Variants in CAND2 observed in about 807,000 individuals in gnomAD.
CAND2 encodes the protein cullin-associated NEDD8-dissociated protein 2.
CAND2 carries 62 observed loss-of-function variants against 98.9 expected under a neutral mutation model. The observed-to-expected ratio is 0.63, with a 90% CI of 0.51 to 0.77. The LOEUF (loss-of-function observed/expected upper bound fraction) is 0.77, where lower values mean the gene tolerates loss of function less well. Ranked by LOEUF, CAND2 falls within the 30% of genes least tolerant of loss-of-function variation. CAND2 has a pLI of 0.00. For missense variants in CAND2, 1,501 were observed against 1,655.2 expected, an observed-to-expected ratio of 0.91 and a Z score of 1.62; for synonymous variants, 770 against 731.9, an observed-to-expected ratio of 1.05 and a Z score of -0.84.
intron 4 of CAND2, 61 bp downstream of exon 4, chr3:12,808,394 AAATCACAGAG>A: frequency 6.5e-7 from 1 of 1,533,768 alleles, no homozygotes; most frequent in Non-Finnish European, 8.8e-7. Context: ...GGAGGGACTC[AAATCACAGAG>A]CTAGCACCTA....
rs1326143136 is a variant in CAND2, at chr3:12,816,114, C to T, written c.1441+106C>T. On this transcript the variant is annotated intron_variant, in intron 9 of 14. Coordinates refer to ENST00000456430, the MANE Select transcript of CAND2 (RefSeq NM_001162499.2). ...TTCCTGAGACAGTCTGAGACCCAATCCCAGGCTCAGTCCCTGGTCAAGAGT... is the reference window on the plus strand; with the variant it reads ...TTCCTGAGACAGTCTGAGACCCAATTCCAGGCTCAGTCCCTGGTCAAGAGT... 1.8e-5 allele frequency: 22 copies of T among 1,201,588 alleles called. No homozygotes were observed. The East Asian group carries it at 5.2e-4, about 28-fold the overall frequency. The allele number at this position is 1,201,588 out of a possible 1,614,324, so 74.4% of individuals were successfully genotyped here.
chr3:12,802,503 C>T (rs1441075588), intron 1 of CAND2, among the ~76,000 whole-genome samples: 1 of 152,170 alleles, frequency 6.6e-6, no homozygotes, highest in Non-Finnish European at 1.5e-5. Context: ...GACAGGTAAA[C>T]TAAGGCTTGG....
At chr3:12,797,096 A>G (rs1325381914) in intron 1 of CAND2, among the ~76,000 whole-genome samples, 1 of 137,656 alleles carries the variant, frequency 7.3e-6, no homozygotes, top group South Asian at 2.4e-4. Context: ...ACCCCTCTGC[A>G]CCCTGCCTCG....
chr3:12,797,197 G>A (rs2061732444), intron 1 of CAND2, among the ~76,000 whole-genome samples: 1 of 52,518 alleles, frequency 1.9e-5, no homozygotes, highest in Admixed American at 2.6e-4. Flanking sequence ...CACCTTCAGC[G>A]AGCCCACAGT....
rs549984497 is a variant in CAND2 at position 12,833,616 on chromosome 3, G to C, written c.3484-139G>C. 4.4e-6 allele frequency: 3 copies of C among 686,330 alleles called. No homozygotes were observed. The South Asian group carries it at 5.4e-5, about 12-fold the overall frequency. The allele number at this position is 686,330 out of a possible 1,614,324, so 42.5% of individuals were successfully genotyped here. On this transcript the variant is annotated intron_variant, in intron 14 of 14. Transcript: ENST00000456430. ...GAGTTAGGAAATAGCTGGTGAGACAGAAGCCTCAGGAGACCTCGCAGCAGG... is the reference window on the plus strand; with the variant it reads ...GAGTTAGGAAATAGCTGGTGAGACACAAGCCTCAGGAGACCTCGCAGCAGG...
intron 4 of CAND2, 82 bp downstream of exon 4, chr3:12,808,415 CTGCACACCAGGCCCTG>C (rs1327554223): frequency 6.9e-7 from 1 of 1,449,524 alleles, no homozygotes; most frequent in Non-Finnish European, 9.4e-7. Context: ...CTAGCACCTA[CTGCACACCAGGCCCTG>C]TGCTTGGGGC....
At position 12,816,867 on chromosome 3, in the gene CAND2, C is replaced by T. The variant is rs189860631; in HGVS notation, c.1935C>T (p.Asp645=). ...TGGCCGTATCCCCACTACAGCTTGA[C>T]CTACAGCCCATCCTGGCCGAGGCAC... ...TLVAVSPLQL[D]LQPILAEALH... is the part of the protein sequence containing the mutation. Residue 645 remains aspartate (D), a synonymous_variant, in exon 10 of 15, where the codon GAC becomes GAT. Coordinates refer to ENST00000456430, the MANE Select transcript of CAND2 (RefSeq NM_001162499.2). 202 of 1,613,898 alleles carry T rather than the reference C, an allele frequency of 1.3e-4. 1 individual carries two copies. In the East Asian group the frequency reaches 4.2e-3, roughly 33 times the overall value.
At chr3:12,825,760 C>A in intron 12 of CAND2, 121 bp downstream of exon 12, 3 of 1,045,718 alleles carry the variant, frequency 2.9e-6, no homozygotes, top group Non-Finnish European at 4.1e-6. Context: ...TGGGTCAAGT[C>A]CTGCCCTGAC....
Position 12,816,747 on chromosome 3 carries a change from G to T in CAND2, c.1815G>T (p.Arg605=). The change falls in exon 10 of 15, where the codon CGG becomes CGT. Residue 605 remains arginine, a synonymous_variant. Coordinates refer to ENST00000456430, the MANE Select transcript of CAND2 (RefSeq NM_001162499.2). ...MGHLVGHLGD[R]LGDDLEPTLL... Reference sequence around the variant, plus strand: ...ACCTTGTAGGCCACCTGGGTGACCGGCTTGGGGATGACCTGGAGCCCACGT... The same window carrying T: ...ACCTTGTAGGCCACCTGGGTGACCGTCTTGGGGATGACCTGGAGCCCACGT... The T allele has an allele frequency of 6.2e-7, 1 of 1,613,638 alleles. No homozygotes were observed. Among genetic ancestry groups the T allele is most frequent in the African/African-American group, 1.3e-5 (1 of 75,076 alleles).
At chr3:12,828,417 A>T (rs1221765096) in intron 13 of CAND2, among the ~76,000 whole-genome samples, 2 of 147,560 alleles carry the variant, frequency 1.4e-5, no homozygotes, top group Non-Finnish European at 3.0e-5. Context: ...AGCTGACTGC[A>T]ACCTCTGCCT....
chr3:12,827,338 C>T, intron 12 of CAND2, 102 bp from the exon 13 acceptor site: 1 of 1,136,578 alleles, frequency 8.8e-7, no homozygotes, highest in Non-Finnish European at 1.3e-6. Context: ...CGATTTGGGG[C>T]TGGCATGGAT....
chr3:12,818,060 C>A (rs1226054556), intron 10 of CAND2, among the ~76,000 whole-genome samples, 184 bp downstream of exon 10: 2 of 152,208 alleles, frequency 1.3e-5, no homozygotes, highest in African/African-American at 4.8e-5. Flanking sequence ...TTAAAGCCTT[C>A]CTCCTATGGG....
chr3:12,814,115 G>A (rs2061877179), intron 7 of CAND2, among the ~76,000 whole-genome samples: 1 of 152,216 alleles, frequency 6.6e-6, no homozygotes, highest in African/African-American at 2.4e-5. Flanking sequence ...TGTGTTCGTG[G>A]GTGGCCTACT....
At chr3:12,832,523 G>A (rs900751739) in intron 14 of CAND2, 1 of 152,222 alleles carries the variant, frequency 6.6e-6, no homozygotes, top group Non-Finnish European at 1.5e-5. Context: ...GCCACGCGGA[G>A]GATGCTGTCT....
chr3:12,799,329 G>T (rs1278635940), intron 1 of CAND2, among the ~76,000 whole-genome samples: 1 of 152,124 alleles, frequency 6.6e-6, no homozygotes, highest in Non-Finnish European at 1.5e-5. Context: ...GGAGGTAGTT[G>T]CCCAATGTCA....
intron 5 of CAND2, 119 bp from the exon 6 acceptor site, chr3:12,812,871 C>T (rs1327742583): frequency 1.5e-6 from 1 of 659,304 alleles, no homozygotes; most frequent in East Asian, 2.7e-5. Context: ...ACTATGAAAC[C>T]TCTGAGTTGA....
At chr3:12,831,376 A>AG in intron 13 of CAND2, 89 bp from the exon 14 acceptor site, 1 of 990,694 alleles carries the variant, frequency 1.0e-6, no homozygotes, top group African/African-American at 1.6e-5. Flanking sequence ...TTCAGGTTTC[A>AG]GTTGTGGGGC....
At position 12,822,921 on chromosome 3, in the gene CAND2, C is replaced by G. The variant is rs563718096; in HGVS notation, c.3041-2549C>G. Reference sequence around the variant, plus strand: ...TTCTTTGTCCCTCCTTCTTTCCCTCCCTGCCTCTCTTTCTCTCCCTCTCTC... The same window carrying G: ...TTCTTTGTCCCTCCTTCTTTCCCTCGCTGCCTCTCTTTCTCTCCCTCTCTC... On this transcript the variant is annotated intron_variant, in intron 11 of 14. Transcript: ENST00000456430. 2.0e-5 allele frequency among the ~76,000 whole-genome samples: 3 copies of G among 152,172 alleles called. No individual in the cohort carries two copies. The East Asian group carries it at 5.8e-4, about 29-fold the overall frequency.
At chr3:12,804,928 T>C (rs1181136507) in intron 2 of CAND2, among the ~76,000 whole-genome samples, 4 of 152,250 alleles carry the variant, frequency 2.6e-5, no homozygotes, top group Non-Finnish European at 4.4e-5. Flanking sequence ...AATGTCTTTC[T>C]GGTCATGGAG....
Sources: gnomAD v4.1 joint callset for allele counts (sites outside exome capture counted in the v4.1 genomes callset) on GRCh38, gnomAD v4.1.1 for gene constraint, MANE v1.5 for transcripts, NCBI Gene and HGNC (gene_info 2026-07-23, HGNC 2026-07-21) for gene names.